The following CACNA1I variants were observed in gnomAD, a reference collection of about 807,000 sequenced individuals.
CACNA1I encodes voltage-dependent T-type calcium channel subunit alpha-1I.
In CACNA1I, 74 loss-of-function variants were observed where a neutral mutation model predicts 201.6. The ratio of observed to expected loss-of-function variants is 0.37; its 90% CI spans 0.30 to 0.45. The LOEUF (loss-of-function observed/expected upper bound fraction) is 0.45. Ranked by LOEUF, CACNA1I falls within the 20% of genes least tolerant of loss-of-function variation. The pLI is 1.00. For synonymous variants in CACNA1I, 1,431 were observed against 1,345.2 expected (o/e 1.06, Z -1.40); for missense variants, 2,346 against 3,138.1 (o/e 0.75, Z 6.03).
chr22:39,662,749 C>T (rs750194592), intron 17 of CACNA1I, 27 bp from the exon 18 acceptor site: 75 of 1,505,496 alleles, frequency 5.0e-5, no homozygotes, highest in Middle Eastern at 2.1e-4. Context: ...ATCGCTGACC[C>T]CCGGCGCTCC....
At chr22:39,626,217 T>A (rs986248713) in intron 4 of CACNA1I, among the ~76,000 whole-genome samples, 1 of 152,236 alleles carries the variant, frequency 6.6e-6, no homozygotes, top group Non-Finnish European at 1.5e-5. Context: ...GTGCCTCTAT[T>A]TCCCCAGCTC....
Position 39,603,540 on chromosome 22 carries a change from C to G in CACNA1I, c.482+2887C>G, listed in dbSNP as rs148578448. 7.6e-3 allele frequency among the ~76,000 whole-genome samples: 1,162 copies of G among 152,238 alleles called. 8 individuals are homozygous for G. The highest frequency in any genetic ancestry group is 0.034 in the Middle Eastern group (10 of 292). The stretch of plus-strand genomic sequence containing the variant: ...GATGCCTGCTCTTGTTTTATGGATG[C>G]CTGCTCTTGTTTTATGGATGCCTGC... On this transcript the variant is annotated intron_variant, in intron 3 of 36. Transcript: ENST00000402142.
chr22:39,658,925 C>G lies in CACNA1I; in HGVS notation c.2145-6C>G. 2 of 1,586,610 alleles carry G rather than the reference C, an allele frequency of 1.3e-6. No individual in the cohort carries two copies. Among genetic ancestry groups the G allele is most frequent in the Non-Finnish European group, 1.7e-6 (2 of 1,169,324 alleles). ...TGTACCCTGGGCCTGCCCTGCGGGA[C>G]CGCAGCATCTGGGAGATTGTGGGGC... is the stretch of plus-strand genomic sequence containing the variant. On this transcript the variant is annotated splice_polypyrimidine_tract_variant and splice_region_variant and intron_variant, in intron 11 of 36. Coordinates refer to ENST00000402142, the MANE Select transcript of CACNA1I (RefSeq NM_021096.4).
chr22:39,646,583 C>T lies in CACNA1I; in HGVS notation c.1164C>T (p.Phe388=). Residue 388 remains phenylalanine, a synonymous_variant, in exon 8 of 37, where the codon TTC becomes TTT. Coordinates refer to ENST00000402142, the MANE Select transcript of CACNA1I (RefSeq NM_021096.4). ...FILLIIVGSF[F]MINLCLVVIA... ...GTTGGTCACAGGTGGGCTCCTTCTTCATGATCAACCTGTGCCTCGTTGTCA... is the reference window on the plus strand; with the variant it reads ...GTTGGTCACAGGTGGGCTCCTTCTTTATGATCAACCTGTGCCTCGTTGTCA... 1.3e-6 allele frequency: 2 copies of T among 1,557,830 alleles called. No homozygotes were observed. The highest frequency in any genetic ancestry group is 8.7e-7 in the Non-Finnish European group (1 of 1,150,200).
intron 1 of CACNA1I, among the ~76,000 whole-genome samples, chr22:39,589,642 C>T (rs1932799358): frequency 6.6e-6 from 1 of 152,222 alleles, no homozygotes; most frequent in Non-Finnish European, 1.5e-5. Flanking sequence ...ACGTATACAG[C>T]AGGTGGTCCT....
At position 39,659,764 on chromosome 22, in the gene CACNA1I, C is replaced by G. The variant is rs766232936; in HGVS notation, c.2516C>G (p.Ser839Cys). 3 of 1,613,946 alleles carry G rather than the reference C, an allele frequency of 1.9e-6. No individual in the cohort carries two copies. Among genetic ancestry groups the G allele is most frequent in the Non-Finnish European group, 2.5e-6 (3 of 1,179,872 alleles). The part of the protein sequence containing the change: ...NGMASTSPWA[S>C]LYFVALMTFG... ...ATGGCCTCCACTTCTCCCTGGGCCT[C>G]CCTCTACTTTGTCGCCCTCATGACC... Residue 839 changes from serine (S) to cysteine (C), a missense_variant, in exon 14 of 37, where the codon TCC becomes TGC. Physicochemically the swap from Ser to Cys is moderately radical, Grantham distance 112. This residue lies in a region of CACNA1I where 155 missense variants were observed against 300.8 expected (regional missense o/e 0.52). Coordinates refer to ENST00000402142, the MANE Select transcript of CACNA1I (RefSeq NM_021096.4). This position sits in a 1 kb window ranked among gnomAD's most constrained non-coding sequence, Gnocchi z 4.3.
chr22:39,619,460 A>T (rs939690085), intron 4 of CACNA1I, 53 bp downstream of exon 4: 5 of 1,401,452 alleles, frequency 3.6e-6, no homozygotes, highest in Non-Finnish European at 5.0e-6. Context: ...TCCCTGGCCA[A>T]CCCATCCCTG....
chr22:39,664,826 A>G lies in CACNA1I; in HGVS notation c.3754A>G (p.Ile1252Val). ...VLDGFLVFVS[I>V]IDIVVSLASA... The stretch of plus-strand genomic sequence containing the variant: ...GGATGGCTTTCTTGTCTTCGTGTCC[A>G]TCATCGACATCGTGGTGTCCCTGGC... Residue 1252 changes from isoleucine to valine, a missense_variant, in exon 21 of 37, where the codon ATC becomes GTC. Ile to Val is a conservative substitution (Grantham distance 29). Coordinates refer to ENST00000402142, the MANE Select transcript of CACNA1I (RefSeq NM_021096.4). 6.2e-7 allele frequency: 1 copy of G among 1,612,614 alleles called. No homozygotes were observed. Among genetic ancestry groups the G allele is most frequent in the Non-Finnish European group, 8.5e-7 (1 of 1,179,702 alleles).
In CACNA1I at chr22:39,649,786, C is replaced by T. The variant is rs757008650; in HGVS notation, c.1853C>T (p.Ala618Val). 37 of 1,609,714 alleles carry T rather than the reference C, an allele frequency of 2.3e-5. No individual in the cohort carries two copies. The East Asian group carries it at 5.1e-4, about 22-fold the overall frequency. The stretch of plus-strand genomic sequence containing the variant: ...GAGGAGGAGGAGCAGGCGGATGGGG[C>T]GGTCTGGCTGTGCGGGGATGTGTGG... ...EEEEEEQADGAVWLCGDVWRE... is the reference protein window; with the variant it reads ...EEEEEEQADGVVWLCGDVWRE... The change falls in exon 10 of 37, where the codon GCG becomes GTG. Residue 618 changes from alanine to valine, a missense_variant. Physicochemically the swap from Ala to Val is moderately conservative, Grantham distance 64. Transcript: ENST00000402142. This position sits in a 1 kb window ranked among gnomAD's most constrained non-coding sequence, Gnocchi z 7.3.
At chr22:39,617,358 A>G (rs1451947001) in intron 3 of CACNA1I, among the ~76,000 whole-genome samples, 1 of 152,204 alleles carries the variant, frequency 6.6e-6, no homozygotes, top group Non-Finnish European at 1.5e-5. Context: ...CTCACCCAGC[A>G]AAGCATGAAC....
intron 3 of CACNA1I, among the ~76,000 whole-genome samples, chr22:39,616,070 T>G (rs898709068): frequency 8.5e-5 from 13 of 152,164 alleles, no homozygotes; most frequent in Admixed American, 2.0e-4. Context: ...GCCGCAGACA[T>G]AGACTGCAGG....
chr22:39,651,787 G>A (rs1423269073), intron 10 of CACNA1I, among the ~76,000 whole-genome samples: 2 of 152,220 alleles, frequency 1.3e-5, no homozygotes, highest in African/African-American at 4.8e-5. Context: ...GCTTGAAATT[G>A]GCCGTGGAGG....
At chr22:39,571,628 G>A (rs1569041535) in intron 1 of CACNA1I, among the ~76,000 whole-genome samples, 3 of 152,194 alleles carry the variant, frequency 2.0e-5, no homozygotes, top group Non-Finnish European at 4.4e-5. Context: ...GCTCTTCTGA[G>A]CCTCAGGGTC....
intron 5 of CACNA1I, among the ~76,000 whole-genome samples, chr22:39,640,631 G>C (rs1043986095): frequency 1.3e-5 from 2 of 152,200 alleles, no homozygotes; most frequent in Admixed American, 6.5e-5. Context: ...CCATAATGAA[G>C]GTGTGTGCAA....
intron 10 of CACNA1I, among the ~76,000 whole-genome samples, chr22:39,653,155 G>C (rs1934701934): frequency 6.6e-6 from 1 of 151,390 alleles, no homozygotes; most frequent in Non-Finnish European, 1.5e-5. Flanking sequence ...GTGGCTAAGA[G>C]GGCTGACTGC....
intron 34 of CACNA1I, among the ~76,000 whole-genome samples, 193 bp from the exon 35 acceptor site, chr22:39,682,303 C>T (rs1056933446): frequency 2.6e-5 from 4 of 152,300 alleles, no homozygotes; most frequent in South Asian, 2.1e-4. Context: ...CCTGGGGCAT[C>T]CAGTGGGCAT....
rs1935194846 is a variant in CACNA1I, at chr22:39,666,329, C to T, written c.4104+323C>T. The stretch of plus-strand genomic sequence containing the variant: ...AATCAAGCAGTCCTGGAGGTGAATC[C>T]AGCTCTGCCACCTTCTGTAGGTGTG... On this transcript the variant is annotated intron_variant, in intron 23 of 36. Coordinates refer to ENST00000402142, the MANE Select transcript of CACNA1I (RefSeq NM_021096.4). This position sits in a 1 kb window ranked among gnomAD's most constrained non-coding sequence, Gnocchi z 4.1. Among the ~76,000 whole-genome samples, 1 of 152,012 alleles carries T rather than the reference C, an allele frequency of 6.6e-6. No homozygotes were observed. Among genetic ancestry groups the T allele is most frequent in the African/African-American group, 2.4e-5 (1 of 41,368 alleles).
chr22:39,664,250 C>A, intron 20 of CACNA1I, 91 bp downstream of exon 20: 2 of 1,078,242 alleles, frequency 1.9e-6, no homozygotes, highest in Non-Finnish European at 2.8e-6. Flanking sequence ...CACTCGCCTG[C>A]CATCGGCTTC....
intron 1 of CACNA1I, among the ~76,000 whole-genome samples, chr22:39,572,972 G>T (rs1230477258): frequency 6.6e-6 from 1 of 152,048 alleles, no homozygotes; most frequent in Non-Finnish European, 1.5e-5. Context: ...GGTCAGGCTG[G>T]TCTCGAACTC....
Sources: gnomAD v4.1 joint callset for allele counts (sites outside exome capture counted in the v4.1 genomes callset) on GRCh38, gnomAD v4.1.1 for gene constraint, gnomAD v4.1.1 regional missense constraint, Gnocchi (gnomAD v3.1) non-coding constraint, MANE v1.5 for transcripts, NCBI Gene and HGNC (gene_info 2026-07-23, HGNC 2026-07-21) for gene names.